Variants in RAPSN observed in about 807,000 individuals in gnomAD.
RAPSN encodes 43 kDa receptor-associated protein of the synapse.
RAPSN carries 33 observed loss-of-function variants against 45.7 expected under a neutral mutation model. The ratio of observed to expected loss-of-function variants is 0.72; its 90% CI spans 0.55 to 0.97. The LOEUF (loss-of-function observed/expected upper bound fraction) is 0.97. Ranked by LOEUF, RAPSN falls within the 50% of genes least tolerant of loss-of-function variation. The pLI is 0.00. For missense variants in RAPSN, 519 were observed against 559.4 expected, an observed-to-expected ratio of 0.93 and a Z score of 0.73; for synonymous variants, 244 against 233.6, an observed-to-expected ratio of 1.04 and a Z score of -0.40.
Position 47,447,947 on chromosome 11 carries a change from G to A in RAPSN, c.396C>T (p.Ala132=). Residue 132 remains alanine, a synonymous_variant, in exon 2 of 8, where the codon GCC becomes GCT. Coordinates refer to ENST00000298854, the MANE Select transcript of RAPSN (RefSeq NM_005055.5). ...TCTGGAAGACGCTGAGGCCCAGGAA[G>A]GCATTGCCCATGCTCAGGCTGACCT... The part of the protein sequence containing the change: ...GGQVSLSMGN[A]FLGLSVFQKA... The A allele has an allele frequency of 1.2e-6, 2 of 1,613,732 alleles. No homozygotes were observed. The highest frequency in any genetic ancestry group is 1.7e-6 in the Non-Finnish European group (2 of 1,179,950).
chr11:47,438,466 G>C lies in RAPSN; in HGVS notation c.1166+266C>G, dbSNP rs531082525. 4.2e-5 allele frequency: 24 copies of C among 573,608 alleles called. No homozygotes were observed. The East Asian group carries it at 6.8e-4, about 16-fold the overall frequency. 35.5% of individuals were successfully genotyped at this position (573,608 alleles called of 1,614,324 possible). Reference sequence around the variant, plus strand: ...GCCTCCCGAGTAGTTGGGATTACAGGCTCCCACCACCATGCCTGGGTAATT... The same window carrying C: ...GCCTCCCGAGTAGTTGGGATTACAGCCTCCCACCACCATGCCTGGGTAATT... On this transcript the variant is annotated intron_variant, in intron 7 of 7. Transcript: ENST00000298854.
chr11:47,447,491 C>CTGTAA (rs2076416899), intron 2 of RAPSN, among the ~76,000 whole-genome samples: 1 of 152,168 alleles, frequency 6.6e-6, no homozygotes, highest in East Asian at 1.9e-4. Context: ...AGATCTCTCC[C>CTGTAA]AAGGTTCAGA....
At chr11:47,445,510 C>T (rs1020520812) in intron 2 of RAPSN, among the ~76,000 whole-genome samples, 6 of 140,368 alleles carry the variant, frequency 4.3e-5, no homozygotes, top group Non-Finnish European at 7.6e-5. Flanking sequence ...CCAGGAGAAT[C>T]GCTTGAACCC....
chr11:47,443,931 C>CAAAAAAAAAAAAAAAAAAAAA lies in RAPSN; in HGVS notation c.532-1138_532-1118dup, dbSNP rs1161231934. On this transcript the variant is annotated intron_variant, in intron 2 of 7. Coordinates refer to ENST00000298854, the MANE Select transcript of RAPSN (RefSeq NM_005055.5). Reference sequence around the variant, plus strand: ...GGTGACAGAGGCAGACTCTGTCTCACAAAAAAAAAAAAAAAAAAAAAAAAA... The same window carrying CAAAAAAAAAAAAAAAAAAAAA: ...GGTGACAGAGGCAGACTCTGTCTCACAAAAAAAAAAAAAAAAAAAAAAAAAAAAAAAAAAAAAAAAAAAAAA... Among the ~76,000 whole-genome samples, 37 of 13,956 alleles carry CAAAAAAAAAAAAAAAAAAAAA rather than the reference C, an allele frequency of 2.7e-3. 1 individual carries two copies. The highest frequency in any genetic ancestry group is 3.4e-3 in the Admixed American group (3 of 886). The allele number at this position is 13,956 out of a possible 152,430, so 9.2% of individuals were successfully genotyped here. A position where few individuals can be genotyped will look rare whatever the true frequency, so the allele number is the denominator to read the frequency against.
At chr11:47,439,699 T>C (rs2153307280) in intron 6 of RAPSN, among the ~76,000 whole-genome samples, 1 of 142,400 alleles carries the variant, frequency 7.0e-6, no homozygotes, top group East Asian at 2.1e-4. Context: ...AAGGTTTTAA[T>C]AAGATTATGA....
At chr11:47,445,392 T>C (rs1199713454) in intron 2 of RAPSN, among the ~76,000 whole-genome samples, 14 of 150,246 alleles carry the variant, frequency 9.3e-5, no homozygotes, top group African/African-American at 3.4e-4. Flanking sequence ...GTCAAGAGAT[T>C]GAGACCATCC....
rs954785577 is a variant in RAPSN, at chr11:47,438,067, T to C, written c.1167-20A>G. The C allele has an allele frequency of 3.9e-6, 6 of 1,549,374 alleles. No homozygotes were observed. The highest frequency in any genetic ancestry group is 5.2e-6 in the Non-Finnish European group (6 of 1,146,770). ...AGGCACCTGGGGAGGCAAAGGGCCC[T>C]GTCCACTCCCCTGAGGCCTGTCCTT... On this transcript the variant is annotated intron_variant, in intron 7 of 7. Transcript: ENST00000298854.
At position 47,448,999 on chromosome 11, in the gene RAPSN, C is replaced by T; in HGVS notation, c.-35G>A. 1 of 1,613,758 alleles carries T rather than the reference C, an allele frequency of 6.2e-7. No homozygotes were observed. The highest frequency in any genetic ancestry group is 8.5e-7 in the Non-Finnish European group (1 of 1,179,688). On this transcript the variant is annotated 5_prime_UTR_variant, in exon 1 of 8. Transcript: ENST00000298854. ...GCCCTGTGTCCCACGTGGGGTGATC[C>T]CTGGTGGCTCCGTGCCTCTAGGCAC...
At chr11:47,443,835 T>C (rs1595900070) in intron 2 of RAPSN, among the ~76,000 whole-genome samples, 1 of 138,426 alleles carries the variant, frequency 7.2e-6, no homozygotes, top group African/African-American at 2.7e-5. Flanking sequence ...GAGGCTGAGG[T>C]GGGAGAATCA....
In RAPSN at chr11:47,438,819, T is replaced by G; in HGVS notation, c.1079A>C (p.Glu360Ala). 1 of 1,573,532 alleles carries G rather than the reference T, an allele frequency of 6.4e-7. No individual in the cohort carries two copies. The highest frequency in any genetic ancestry group is 8.6e-7 in the Non-Finnish European group (1 of 1,158,584). ...CTCGCCGCACAGGCCGCAGTAGAGC[T>G]CCGTCTCCTCCACGCACTCGTGGAA... ...VRFHECVEETELYCGLCGESI... is the reference protein window; with the variant it reads ...VRFHECVEETALYCGLCGESI... The change falls in exon 7 of 8, where the codon GAG becomes GCG. Residue 360 changes from glutamate to alanine, a missense_variant. Coordinates refer to ENST00000298854, the MANE Select transcript of RAPSN (RefSeq NM_005055.5).
chr11:47,438,206 G>A (rs1055892692), intron 7 of RAPSN, among the ~76,000 whole-genome samples, 159 bp from the exon 8 acceptor site: 2 of 152,032 alleles, frequency 1.3e-5, no homozygotes, highest in African/African-American at 4.8e-5. Flanking sequence ...GGCTCCCACT[G>A]CACCCGGCTT....
rs1325613426 is a variant in RAPSN, at chr11:47,438,794, C to T, written c.1104G>A (p.Glu368=). Residue 368 remains glutamate (E), a synonymous_variant, in exon 7 of 8, where the codon GAG becomes GAA. Coordinates refer to ENST00000298854, the MANE Select transcript of RAPSN (RefSeq NM_005055.5). ...ETELYCGLCG[E]SIGEKNSRLQ... ...GCCGGCTGTTCTTCTCGCCTATGGACTCGCCGCACAGGCCGCAGTAGAGCT... is the reference window on the plus strand; with the variant it reads ...GCCGGCTGTTCTTCTCGCCTATGGATTCGCCGCACAGGCCGCAGTAGAGCT... 1 of 1,572,234 alleles carries T rather than the reference C, an allele frequency of 6.4e-7. No homozygotes were observed. Among genetic ancestry groups the T allele is most frequent in the Admixed American group, 1.8e-5 (1 of 54,846 alleles).
chr11:47,448,103 G>A lies in RAPSN; in HGVS notation c.240C>T (p.Asp80=). ...IDTARELEDA[D]FLLESYLNLA... ...GGTTCAGGTAGCTCTCCAGGAGGAA[G>A]TCGGCATCCTCCAGCTCCCGGGCCG... Residue 80 remains aspartate, a synonymous_variant, in exon 2 of 8, where the codon GAC becomes GAT. Coordinates refer to ENST00000298854, the MANE Select transcript of RAPSN (RefSeq NM_005055.5). 1 of 1,613,830 alleles carries A rather than the reference G, an allele frequency of 6.2e-7. No individual in the cohort carries two copies. Among genetic ancestry groups the A allele is most frequent in the African/African-American group, 1.3e-5 (1 of 75,022 alleles).
intron 2 of RAPSN, among the ~76,000 whole-genome samples, chr11:47,446,283 T>C: frequency 6.6e-6 from 1 of 151,678 alleles, no homozygotes; most frequent in Admixed American, 6.6e-5. Flanking sequence ...TGAGCGATCC[T>C]CACCCCTCAG....
rs138863694 is a variant in RAPSN at position 47,442,679 on chromosome 11, C to T, written c.667G>A (p.Gly223Ser). Residue 223 changes from glycine to serine, a missense_variant, in exon 3 of 8, where the codon GGC becomes AGC. Gly to Ser is a moderately conservative substitution (Grantham distance 56). Coordinates refer to ENST00000298854, the MANE Select transcript of RAPSN (RefSeq NM_005055.5). The part of the protein sequence containing the change: ...AVAYRLLGRL[G>S]SAMECCEESM... ...ACCTCACAACACTCCATGGCACTGC[C>T]CAGGCGGCCCAGCAGGCGATAGGCC... is the stretch of plus-strand genomic sequence containing the variant. The T allele has an allele frequency of 7.0e-5, 113 of 1,614,088 alleles. No individual in the cohort carries two copies. Among genetic ancestry groups the T allele is most frequent in the Non-Finnish European group, 8.6e-5 (102 of 1,180,040 alleles).
Position 47,437,987 on chromosome 11 carries a change from A to C in RAPSN, c.1227T>G (p.Pro409=). The part of the protein sequence containing the change: ...CPNCRRSSMK[P]GFV ...CTGCTGCCAGGAGTCATACAAAGCC[A>C]GGCTTCATGGATGAGCGGCGGCAGT... is the stretch of plus-strand genomic sequence containing the variant. The change falls in exon 8 of 8, where the codon CCT becomes CCG. Residue 409 remains proline, a synonymous_variant. Coordinates refer to ENST00000298854, the MANE Select transcript of RAPSN (RefSeq NM_005055.5). 2 of 1,550,816 alleles carry C rather than the reference A, an allele frequency of 1.3e-6. No homozygotes were observed. The highest frequency in any genetic ancestry group is 1.7e-6 in the Non-Finnish European group (2 of 1,146,980).
chr11:47,441,958 G>A (rs1486329970), intron 3 of RAPSN, 37 bp from the exon 4 acceptor site: 1 of 1,539,316 alleles, frequency 6.5e-7, no homozygotes, highest in Non-Finnish European at 8.7e-7. Flanking sequence ...CTACTCCTCT[G>A]CCACCACCAC....
chr11:47,448,127 C>G lies in RAPSN; in HGVS notation c.216G>C (p.Thr72=), dbSNP rs141877523. Residue 72 remains threonine (T), a synonymous_variant, in exon 2 of 8, where the codon ACG becomes ACC. Coordinates refer to ENST00000298854, the MANE Select transcript of RAPSN (RefSeq NM_005055.5). ...AGTCGGCATCCTCCAGCTCCCGGGC[C>G]GTGTCGATCTGGACCACAGCGAACT... ...MLKFAVVQID[T]ARELEDADFL... 2.5e-6 allele frequency: 4 copies of G among 1,612,868 alleles called. No homozygotes were observed. In the East Asian group the frequency reaches 6.7e-5, roughly 27 times the overall value.
At chr11:47,445,626 C>T (rs1171318398) in intron 2 of RAPSN, among the ~76,000 whole-genome samples, 2 of 127,978 alleles carry the variant, frequency 1.6e-5, no homozygotes, top group Admixed American at 8.0e-5. Flanking sequence ...GCCAAAAGAA[C>T]AGCAAAGAAA....
Sources: allele counts gnomAD v4.1 joint callset (sites outside exome capture counted in the v4.1 genomes callset), GRCh38; gene constraint gnomAD v4.1.1; transcripts MANE v1.5; gene names NCBI Gene and HGNC (gene_info 2026-07-23, HGNC 2026-07-21).